The following NWD2 variants were observed in gnomAD, a reference collection of about 807,000 sequenced individuals.
NWD2 encodes NACHT and WD repeat domain containing 2.
Under a neutral mutation model 132.7 loss-of-function variants are expected in NWD2, and 37 were observed. The observed-to-expected ratio is 0.28, with a 90% CI of 0.21 to 0.37. NWD2 has a LOEUF of 0.37. Ranked by LOEUF, NWD2 falls within the 10% of genes least tolerant of loss-of-function variation. The probability of loss-of-function intolerance (pLI) is 1.00; values close to 1 mark genes in which losing one functional copy is unlikely to be tolerated. For synonymous variants in NWD2, 705 were observed against 803.0 expected (o/e 0.88, Z 2.06); for missense variants, 1,592 against 2,122.4 (o/e 0.75, Z 4.91).
chr4:37,286,302 T>G (rs1289092202), intron 1 of NWD2, among the ~76,000 whole-genome samples: 5 of 152,248 alleles, frequency 3.3e-5, no homozygotes, highest in African/African-American at 1.2e-4. Context: ...ATCCTAGAGT[T>G]GAAATATCAT....
intron 1 of NWD2, among the ~76,000 whole-genome samples, chr4:37,318,327 A>G (rs375393064): frequency 6.6e-6 from 1 of 152,112 alleles, no homozygotes; most frequent in African/African-American, 2.4e-5. Flanking sequence ...CGCCTGGCCA[A>G]TCTGCTCTAA....
intron 3 of NWD2, among the ~76,000 whole-genome samples, chr4:37,366,608 TTAAAG>T (rs748363832): frequency 2.0e-5 from 3 of 152,086 alleles, no homozygotes; most frequent in Non-Finnish European, 4.4e-5. Context: ...AGAGTTCTCT[TTAAAG>T]GAAAGGGCAT....
intron 2 of NWD2, among the ~76,000 whole-genome samples, chr4:37,329,694 T>G (rs1719252087): frequency 1.3e-5 from 2 of 152,146 alleles, no homozygotes; most frequent in South Asian, 4.1e-4. Flanking sequence ...TAAGATTATA[T>G]GAGACCTCAT....
chr4:37,377,671 C>T (rs1450615246), intron 3 of NWD2, among the ~76,000 whole-genome samples: 2 of 152,018 alleles, frequency 1.3e-5, no homozygotes, highest in African/African-American at 2.4e-5. Flanking sequence ...GCGGAGGTTG[C>T]GGTGAGCCGA....
At chr4:37,435,812 T>G (rs1468282302) in intron 5 of NWD2, among the ~76,000 whole-genome samples, 1 of 152,122 alleles carries the variant, frequency 6.6e-6, no homozygotes, top group Admixed American at 6.5e-5. Flanking sequence ...TGGGGTTATA[T>G]CTCCTGAAGA....
chr4:37,388,029 G>C (rs1046432199), intron 3 of NWD2, among the ~76,000 whole-genome samples: 20 of 152,250 alleles, frequency 1.3e-4, no homozygotes, highest in Non-Finnish European at 2.8e-4. Context: ...TGGGCAACTT[G>C]CTGAACCAAT....
chr4:37,344,535 A>G (rs1049550344), intron 2 of NWD2, among the ~76,000 whole-genome samples: 2 of 152,130 alleles, frequency 1.3e-5, no homozygotes, highest in African/African-American at 4.8e-5. Flanking sequence ...ATTACAAAAG[A>G]CTTCCATCAG....
At chr4:37,398,720 G>T (rs1429677485) in intron 3 of NWD2, among the ~76,000 whole-genome samples, 1 of 152,008 alleles carries the variant, frequency 6.6e-6, no homozygotes, top group African/African-American at 2.4e-5. Flanking sequence ...ACTAAACAGG[G>T]TTATATTTTT....
At chr4:37,285,235 T>G (rs555440813) in intron 1 of NWD2, among the ~76,000 whole-genome samples, 18 of 152,198 alleles carry the variant, frequency 1.2e-4, no homozygotes, top group Non-Finnish European at 2.6e-4. Context: ...TATGTAACTT[T>G]TATAGGAATA....
intron 1 of NWD2, among the ~76,000 whole-genome samples, chr4:37,280,729 ATAG>A (rs1430091241): frequency 6.6e-6 from 1 of 152,154 alleles, no homozygotes; most frequent in African/African-American, 2.4e-5. Context: ...ATTGCAAGGG[ATAG>A]TACAGCACCC....
intron 3 of NWD2, among the ~76,000 whole-genome samples, chr4:37,408,257 C>G (rs1295663582): frequency 6.6e-6 from 1 of 152,078 alleles, no homozygotes; most frequent in Admixed American, 6.5e-5. Context: ...CCCCACGGAG[C>G]CCAGCAAACT....
At chr4:37,401,061 A>C (rs1720886995) in intron 3 of NWD2, among the ~76,000 whole-genome samples, 1 of 152,196 alleles carries the variant, frequency 6.6e-6, no homozygotes, top group Admixed American at 6.5e-5. Context: ...TAAAAAGCAG[A>C]TATAGGTAAT....
At chr4:37,323,165 T>A (rs565290965) in intron 1 of NWD2, among the ~76,000 whole-genome samples, 1 of 152,216 alleles carries the variant, frequency 6.6e-6, no homozygotes, top group East Asian at 1.9e-4. Flanking sequence ...GAAATGCAAA[T>A]AGAAGTACTT....
intron 6 of NWD2, among the ~76,000 whole-genome samples, chr4:37,442,848 A>G (rs894715664): frequency 5.3e-5 from 8 of 152,266 alleles, no homozygotes; most frequent in African/African-American, 1.9e-4. Context: ...TTAACTTAAT[A>G]TAATATGTAA....
At chr4:37,403,966 A>C (rs1042162782) in intron 3 of NWD2, among the ~76,000 whole-genome samples, 6 of 152,204 alleles carry the variant, frequency 3.9e-5, no homozygotes, top group African/African-American at 1.4e-4. Context: ...CTTGTAGTTC[A>C]TCAAGATTAT....
chr4:37,438,525 C>T (rs1242198518), intron 5 of NWD2, among the ~76,000 whole-genome samples: 1 of 152,134 alleles, frequency 6.6e-6, no homozygotes, highest in African/African-American at 2.4e-5. Context: ...GAAATATCCA[C>T]TATAACTTTG....
chr4:37,385,197 C>G (rs1269152226), intron 3 of NWD2, among the ~76,000 whole-genome samples: 1 of 152,140 alleles, frequency 6.6e-6, no homozygotes, highest in Non-Finnish European at 1.5e-5. Flanking sequence ...GGAAAAGCCT[C>G]TCTACTCTTG....
rs939363391 is a variant in NWD2, at chr4:37,448,479, A to T, written c.*1262A>T. 6.6e-6 allele frequency: 1 copy of T among 152,338 alleles called. No individual in the cohort carries two copies. Among genetic ancestry groups the T allele is most frequent in the East Asian group, 1.9e-4 (1 of 5,186 alleles). 9.4% of individuals were successfully genotyped at this position (152,338 alleles called of 1,614,324 possible). A position where few individuals can be genotyped will look rare whatever the true frequency, so the allele number is the denominator to read the frequency against. On this transcript the variant is annotated 3_prime_UTR_variant, in exon 7 of 7. Coordinates refer to ENST00000309447, the MANE Select transcript of NWD2 (RefSeq NM_001144990.2). ...TGTGGAATGGTATTAAATATTTTTTAAAATTAATTCACCTGTTTAAAAGAA... is the reference window on the plus strand; with the variant it reads ...TGTGGAATGGTATTAAATATTTTTTTAAATTAATTCACCTGTTTAAAAGAA...
At chr4:37,254,326 T>G (rs1419969163) in intron 1 of NWD2, among the ~76,000 whole-genome samples, 1 of 152,240 alleles carries the variant, frequency 6.6e-6, no homozygotes, top group Non-Finnish European at 1.5e-5. Context: ...AGCAACCACC[T>G]TTGAGCTCTA....
Sources: gnomAD v4.1 joint callset for allele counts (sites outside exome capture counted in the v4.1 genomes callset) on GRCh38, gnomAD v4.1.1 for gene constraint, MANE v1.5 for transcripts, NCBI Gene and HGNC (gene_info 2026-07-23, HGNC 2026-07-21) for gene names.